Variants in FMN1 observed in about 807,000 individuals in gnomAD.
The protein encoded by FMN1 is formin-1.
FMN1 carries 110 observed loss-of-function variants against 132.4 expected under a neutral mutation model. The observed-to-expected ratio is 0.83, with a 90% CI of 0.71 to 0.97. FMN1 has a LOEUF of 0.97. FMN1 is among the 50% of genes least tolerant of loss of function. The pLI, the probability that FMN1 is intolerant of heterozygous loss-of-function variation, is 0.00. For missense variants in FMN1, 1,792 were observed against 1,705.3 expected (o/e 1.05, Z -0.90); for synonymous variants, 722 against 651.7 (o/e 1.11, Z -1.64).
In FMN1 at chr15:32,969,341, A is replaced by T; in HGVS notation, c.2360T>A (p.Val787Glu). 6.2e-7 allele frequency: 1 copy of T among 1,613,970 alleles called. No individual in the cohort carries two copies. Among genetic ancestry groups the T allele is most frequent in the South Asian group, 1.1e-5 (1 of 91,074 alleles). Residue 787 changes from valine (V) to glutamate (E), a missense_variant, in exon 8 of 21, where the codon GTG (valine) becomes GAG (glutamate). This residue lies in a region of FMN1 where 1,150 missense variants were observed against 1,043.1 expected (regional missense o/e 1.10). Transcript: ENST00000616417. ...WRGGCEERKD[V>E]CISTDDDCPP... Reference sequence around the variant, plus strand: ...GCAGTCATCATCGGTGGAAATGCACACATCTTTCCTCTCTTCACAACCCCC... The same window carrying T: ...GCAGTCATCATCGGTGGAAATGCACTCATCTTTCCTCTCTTCACAACCCCC...
intron 6 of FMN1, chr15:33,063,701 G>C (rs2037588045): frequency 6.6e-6 from 1 of 152,192 alleles, no homozygotes; most frequent in Non-Finnish European, 1.5e-5. Flanking sequence ...ATGTGGTTTA[G>C]GAAATTTTCC....
chr15:32,779,638 A>C (rs1016585561), intron 19 of FMN1, among the ~76,000 whole-genome samples: 19 of 152,228 alleles, frequency 1.2e-4, no homozygotes, highest in Admixed American at 5.9e-4. Context: ...CAACCTAATG[A>C]ATAGGTTCAA....
At chr15:33,077,240 G>T (rs1373366741) in intron 5 of FMN1, among the ~76,000 whole-genome samples, 1 of 151,606 alleles carries the variant, frequency 6.6e-6, no homozygotes, top group African/African-American at 2.4e-5. Flanking sequence ...TCTCTATGTT[G>T]CTCAGGCTGG....
Position 33,153,845 on chromosome 15 carries a change from C to T in FMN1, c.1070G>A (p.Arg357His), listed in dbSNP as rs769832258. 1.1e-4 allele frequency: 174 copies of T among 1,536,462 alleles called. No individual in the cohort carries two copies. Among genetic ancestry groups the T allele is most frequent in the Non-Finnish European group, 1.4e-4 (163 of 1,147,026 alleles). ...HSKGKETIAI[R>H]PAAHAEFVPK... ...TACAAACTCAGCGTGGGCTGCTGGG[C>T]GAATGGCAATCGTCTCCTTACCCTT... Residue 357 changes from arginine to histidine, a missense_variant, in exon 4 of 21, where the codon CGC (arginine) becomes CAC (histidine). By Grantham distance (29) the Arg-to-His change is conservative (BLOSUM62 0). Transcript: ENST00000616417.
At chr15:32,785,429 C>G (rs147187667) in intron 19 of FMN1, among the ~76,000 whole-genome samples, 2,340 of 151,220 alleles carry the variant, frequency 0.015, 23 homozygotes, top group Non-Finnish European at 0.024. Context: ...CAACAGGTCT[C>G]AAATCATGGT....
At chr15:32,871,032 T>C (rs944541627) in intron 16 of FMN1, among the ~76,000 whole-genome samples, 2 of 152,140 alleles carry the variant, frequency 1.3e-5, no homozygotes, top group African/African-American at 2.4e-5. Flanking sequence ...AGGCACATAC[T>C]GCAAGCTCTG....
intron 6 of FMN1, 105 bp downstream of exon 6, chr15:33,064,852 T>C (rs1354411271): frequency 6.6e-6 from 5 of 759,338 alleles, no homozygotes; most frequent in Non-Finnish European, 1.1e-5. Context: ...GCATTACATT[T>C]TATAATGAAA....
chr15:33,065,919 AT>A (rs1410637263), intron 5 of FMN1, among the ~76,000 whole-genome samples: 6 of 152,130 alleles, frequency 3.9e-5, no homozygotes, highest in Admixed American at 3.3e-4. Context: ...CCATATAACC[AT>A]TTTATTTTCC....
At chr15:32,823,409 C>T (rs1450777048) in intron 17 of FMN1, among the ~76,000 whole-genome samples, 1 of 152,060 alleles carries the variant, frequency 6.6e-6, no homozygotes, top group Non-Finnish European at 1.5e-5. Context: ...CGTGATCCGC[C>T]CACCTTGGCC....
intron 7 of FMN1, among the ~76,000 whole-genome samples, chr15:33,007,273 T>C (rs1429970474): frequency 1.3e-5 from 2 of 152,172 alleles, no homozygotes; most frequent in South Asian, 4.1e-4. Flanking sequence ...TAACATTAAA[T>C]GAGGAAAAAA....
At chr15:33,145,413 T>A (rs896616152) in intron 4 of FMN1, among the ~76,000 whole-genome samples, 1 of 151,936 alleles carries the variant, frequency 6.6e-6, no homozygotes, top group African/African-American at 2.4e-5. Flanking sequence ...TCCCCAAGTC[T>A]GTACATCCTG....
intron 7 of FMN1, among the ~76,000 whole-genome samples, chr15:32,995,745 AC>A (rs1276664448): frequency 6.6e-6 from 1 of 152,214 alleles, no homozygotes; most frequent in Non-Finnish European, 1.5e-5. Context: ...ATTTGTCTTT[AC>A]AGCAAAAACA....
chr15:32,914,893 G>T (rs765915682), intron 10 of FMN1, among the ~76,000 whole-genome samples: 1 of 152,212 alleles, frequency 6.6e-6, no homozygotes, highest in South Asian at 2.1e-4. Flanking sequence ...CAGGGACTGG[G>T]AAAGGAATGG....
intron 6 of FMN1, among the ~76,000 whole-genome samples, chr15:33,025,934 A>G (rs922661021): frequency 6.6e-6 from 1 of 152,230 alleles, no homozygotes; most frequent in African/African-American, 2.4e-5. Context: ...ATTTTCCTAC[A>G]TTAAACTAGA....
chr15:33,094,242 T>G (rs1162096385), intron 4 of FMN1, among the ~76,000 whole-genome samples: 2 of 152,142 alleles, frequency 1.3e-5, no homozygotes, highest in South Asian at 4.1e-4. Context: ...ATGAAGATAA[T>G]AAGAATATGT....
At chr15:33,004,168 G>T (rs1251079213) in intron 7 of FMN1, among the ~76,000 whole-genome samples, 3 of 152,032 alleles carry the variant, frequency 2.0e-5, no homozygotes. Context: ...CAAAAGCAAT[G>T]GCAACAAAAC....
At chr15:32,785,186 G>GTATA (rs2056819313) in intron 19 of FMN1, among the ~76,000 whole-genome samples, 2 of 31,846 alleles carry the variant, frequency 6.3e-5, no homozygotes, top group African/African-American at 2.3e-4. Context: ...GTGTGTGTGT[G>GTATA]TGTGTGTGTG....
chr15:32,997,486 T>C (rs1301605902), intron 7 of FMN1, among the ~76,000 whole-genome samples: 3 of 152,316 alleles, frequency 2.0e-5, no homozygotes, highest in Middle Eastern at 3.4e-3. Context: ...ACCTGGTTGA[T>C]GAATCTAGCC....
At chr15:32,881,268 A>C (rs140817469) in intron 16 of FMN1, among the ~76,000 whole-genome samples, 27 of 152,316 alleles carry the variant, frequency 1.8e-4, no homozygotes, top group African/African-American at 6.3e-4. Context: ...AAATATGCAC[A>C]AACTTGTGGT....
Sources: allele counts gnomAD v4.1 joint callset (sites outside exome capture counted in the v4.1 genomes callset), GRCh38; gene constraint gnomAD v4.1.1; regional missense constraint gnomAD v4.1.1; transcripts MANE v1.5; gene names NCBI Gene and HGNC (gene_info 2026-07-23, HGNC 2026-07-21).